COBL: variants seen among roughly 807,000 people sequenced by gnomAD.
The protein encoded by COBL is cordon-bleu WH2 repeat protein.
Under a neutral mutation model 98.8 loss-of-function variants are expected in COBL, and 51 were observed. That is an observed-to-expected ratio of 0.52 (90% CI 0.41 to 0.65). The LOEUF is 0.65. Among genes scored for constraint, COBL ranks in the 30% least tolerant of loss-of-function variants. COBL has a pLI of 0.00. For missense variants in COBL, 1,617 were observed against 1,617.5 expected (o/e 1.00, Z 0.01); for synonymous variants, 634 against 651.7 (o/e 0.97, Z 0.41).
intron 6 of COBL, among the ~76,000 whole-genome samples, chr7:51,124,742 A>G (rs1182041159): frequency 3.3e-5 from 5 of 152,242 alleles, no homozygotes; most frequent in Non-Finnish European, 7.3e-5. Flanking sequence ...CATGGAAACT[A>G]TTCTGCCTGT....
intron 7 of COBL, among the ~76,000 whole-genome samples, chr7:51,049,195 C>T (rs576208931): frequency 3.3e-5 from 5 of 152,264 alleles, no homozygotes; most frequent in South Asian, 2.1e-4. Context: ...CAAAAAGATT[C>T]GCCACCAACT....
chr7:51,281,086 G>A (rs2129176232), intron 1 of COBL, among the ~76,000 whole-genome samples: 1 of 150,014 alleles, frequency 6.7e-6, no homozygotes, highest in African/African-American at 2.5e-5. Flanking sequence ...TGAAATGAAT[G>A]AAAACTTAGT....
intron 5 of COBL, among the ~76,000 whole-genome samples, chr7:51,155,136 CAGAAGATAACCTCTGGA>C (rs1785988876): frequency 6.6e-6 from 1 of 152,152 alleles, no homozygotes; most frequent in Non-Finnish European, 1.5e-5. Flanking sequence ...TTGTTGAGGT[CAGAAGATAACCTCTGGA>C]AGAAGGGGCA....
chr7:51,163,158 T>G (rs1786988644), intron 5 of COBL, among the ~76,000 whole-genome samples: 1 of 152,306 alleles, frequency 6.6e-6, no homozygotes, highest in East Asian at 1.9e-4. Flanking sequence ...GACTCATGCC[T>G]CCGTTTGATC....
chr7:51,177,464 A>G (rs918079044), intron 5 of COBL, among the ~76,000 whole-genome samples: 6 of 152,156 alleles, frequency 3.9e-5, no homozygotes, highest in Admixed American at 2.6e-4. Context: ...GAAAAGTAAA[A>G]TGCATTTTTG....
intron 1 of COBL, among the ~76,000 whole-genome samples, chr7:51,312,094 C>A (rs527492453): frequency 1.3e-5 from 2 of 151,790 alleles, no homozygotes; most frequent in African/African-American, 4.8e-5. Flanking sequence ...GAGGCCAAGG[C>A]GGGCGGATCA....
chr7:51,224,262 A>T (rs768774487), intron 1 of COBL, among the ~76,000 whole-genome samples: 1 of 152,250 alleles, frequency 6.6e-6, no homozygotes, highest in African/African-American at 2.4e-5. Context: ...GACCGTACTT[A>T]AAAATGCTTA....
Position 51,254,983 on chromosome 7 carries a change from C to T in COBL, c.42-35039G>A, listed in dbSNP as rs77146710. 3.8e-3 allele frequency among the ~76,000 whole-genome samples: 582 copies of T among 152,268 alleles called. 5 individuals carry two copies. Among genetic ancestry groups the T allele is most frequent in the African/African-American group, 0.013 (532 of 41,548 alleles). On this transcript the variant is annotated intron_variant, in intron 1 of 12. Coordinates refer to ENST00000265136, the MANE Select transcript of COBL (RefSeq NM_015198.5). ...ACCATGATTCAATCTCTATGTATCCCTCCCCACTCAATTAAAAAGTACGTT... is the reference window on the plus strand; with the variant it reads ...ACCATGATTCAATCTCTATGTATCCTTCCCCACTCAATTAAAAAGTACGTT...
Position 51,085,158 on chromosome 7 carries a change from T to G in COBL, c.1096+8A>C. On this transcript the variant is annotated splice_region_variant and intron_variant, in intron 7 of 12. Coordinates refer to ENST00000265136, the MANE Select transcript of COBL (RefSeq NM_015198.5). ...CCGCATGCAGACGGCAGGCCGAGCC[T>G]CACTCACCCATCGTGCTCTTCCTGT... 1 of 1,613,692 alleles carries G rather than the reference T, an allele frequency of 6.2e-7. No individual in the cohort carries two copies. Among genetic ancestry groups the G allele is most frequent in the Non-Finnish European group, 8.5e-7 (1 of 1,179,938 alleles).
chr7:51,209,756 G>C (rs537952479), intron 2 of COBL, among the ~76,000 whole-genome samples: 222 of 152,282 alleles, frequency 1.5e-3, no homozygotes, highest in African/African-American at 5.1e-3. Flanking sequence ...CATGAGGCAA[G>C]GGAGCTGGGG....
intron 2 of COBL, among the ~76,000 whole-genome samples, chr7:51,213,908 G>A (rs1792737677): frequency 6.6e-6 from 1 of 152,014 alleles, no homozygotes; most frequent in Non-Finnish European, 1.5e-5. Context: ...GTGGGGGCGG[G>A]GGTTGCTGCT....
intron 1 of COBL, among the ~76,000 whole-genome samples, chr7:51,312,766 G>A (rs1803181597): frequency 6.6e-6 from 1 of 152,134 alleles, no homozygotes; most frequent in Admixed American, 6.5e-5. Context: ...TGCACTGGAG[G>A]TCACGAGAAA....
At chr7:51,306,895 T>A (rs149523072) in intron 1 of COBL, among the ~76,000 whole-genome samples, 5 of 152,238 alleles carry the variant, frequency 3.3e-5, no homozygotes, top group Admixed American at 3.3e-4. Context: ...CAGAGCAACA[T>A]CCTCCTTCAT....
chr7:51,054,586 TG>T (rs1410617264), intron 7 of COBL, among the ~76,000 whole-genome samples: 10 of 152,218 alleles, frequency 6.6e-5, no homozygotes, highest in African/African-American at 2.2e-4. Flanking sequence ...TGGGGACTGC[TG>T]TGGGCCCCGT....
rs564143325 is a variant in COBL, at chr7:51,203,411, G to A, written c.246-9822C>T. 6.8e-5 allele frequency among the ~76,000 whole-genome samples: 7 copies of A among 103,214 alleles called. 1 individual carries two copies. Among genetic ancestry groups the A allele is most frequent in the East Asian group, 2.7e-4 (1 of 3,762 alleles). 67.7% of individuals were successfully genotyped at this position (103,214 alleles called of 152,430 possible). On this transcript the variant is annotated intron_variant, in intron 2 of 12. Transcript: ENST00000265136. ...CGGGAGGCGGAGCTTGCAGTGAGCC[G>A]AGATCGCGCCACTGCACTCCAGCCT...
At chr7:51,277,187 G>A (rs984409339) in intron 1 of COBL, among the ~76,000 whole-genome samples, 2 of 152,130 alleles carry the variant, frequency 1.3e-5, no homozygotes, top group African/African-American at 4.8e-5. Flanking sequence ...CCACACATGC[G>A]CAGGGACCCA....
chr7:51,310,031 T>C (rs897724962), intron 1 of COBL, among the ~76,000 whole-genome samples: 2 of 152,204 alleles, frequency 1.3e-5, no homozygotes, highest in Non-Finnish European at 2.9e-5. Flanking sequence ...AGGTGAGGCC[T>C]GGGAAGCTGC....
intron 1 of COBL, among the ~76,000 whole-genome samples, chr7:51,276,734 T>G: frequency 6.6e-6 from 1 of 151,348 alleles, no homozygotes; most frequent in Non-Finnish European, 1.5e-5. Flanking sequence ...CCTTGCAGAG[T>G]GAGCAGGCAG....
chr7:51,299,892 T>C (rs898725959), intron 1 of COBL, among the ~76,000 whole-genome samples: 2 of 152,186 alleles, frequency 1.3e-5, no homozygotes, highest in African/African-American at 4.8e-5. Context: ...GACCATGCAC[T>C]TAAATATCGC....
Sources: allele counts gnomAD v4.1 joint callset (sites outside exome capture counted in the v4.1 genomes callset), GRCh38; gene constraint gnomAD v4.1.1; transcripts MANE v1.5; gene names NCBI Gene and HGNC (gene_info 2026-07-23, HGNC 2026-07-21).